The following TLE1 variants were observed in gnomAD, a reference collection of about 807,000 sequenced individuals.
TLE1 encodes the protein TLE family member 1, transcriptional corepressor.
TLE1 carries 21 observed loss-of-function variants against 89.8 expected under a neutral mutation model. That is an observed-to-expected ratio of 0.23 (90% CI 0.17 to 0.34). The LOEUF (loss-of-function observed/expected upper bound fraction) is 0.34. Ranked by LOEUF, TLE1 falls within the 10% of genes least tolerant of loss-of-function variation. The pLI, the probability that TLE1 is intolerant of heterozygous loss-of-function variation, is 1.00. For synonymous variants in TLE1, 447 were observed against 407.6 expected (o/e 1.10, Z -1.16); for missense variants, 795 against 1,031.2 (o/e 0.77, Z 3.14).
rs188945251 is a variant in TLE1 at position 81,659,128 on chromosome 9, C to T, written c.235-5092G>A. On this transcript the variant is annotated intron_variant, in intron 4 of 19. Coordinates refer to ENST00000376499, the MANE Select transcript of TLE1 (RefSeq NM_005077.5). Reference sequence around the variant, plus strand: ...TTCACCATGTTGGCCAGGATGGTCTCGATCTCCTGATCCTCGTGATCCGCC... The same window carrying T: ...TTCACCATGTTGGCCAGGATGGTCTTGATCTCCTGATCCTCGTGATCCGCC... Among the ~76,000 whole-genome samples, 3 of 152,142 alleles carry T rather than the reference C, an allele frequency of 2.0e-5. No individual in the cohort carries two copies. In the East Asian group the frequency reaches 5.8e-4, roughly 30 times the overall value.
At chr9:81,645,361 G>A (rs1386420417) in intron 6 of TLE1, among the ~76,000 whole-genome samples, 5 of 106,666 alleles carry the variant, frequency 4.7e-5, no homozygotes, top group Non-Finnish European at 2.2e-5. Flanking sequence ...GAGAAACTCC[G>A]TCTCCAAAAA....
chr9:81,652,371 T>G, intron 5 of TLE1, 83 bp from the exon 6 acceptor site: 1 of 1,158,774 alleles, frequency 8.6e-7, no homozygotes, highest in South Asian at 1.3e-5. Flanking sequence ...TCAAATGCTG[T>G]GTGCAATGCA....
chr9:81,680,987 C>T (rs1251875023), intron 4 of TLE1, among the ~76,000 whole-genome samples: 1 of 151,242 alleles, frequency 6.6e-6, no homozygotes, highest in Non-Finnish European at 1.5e-5. Context: ...AAAAGAATCA[C>T]ATCTAAGGAA....
intron 4 of TLE1, among the ~76,000 whole-genome samples, chr9:81,666,050 G>A (rs947272392): frequency 6.6e-6 from 1 of 152,122 alleles, no homozygotes; most frequent in Non-Finnish European, 1.5e-5. Flanking sequence ...TTTGACAAAA[G>A]CATCACAGCT....
At position 81,620,432 on chromosome 9, in the gene TLE1, A is replaced by C; in HGVS notation, c.711+9T>G. On this transcript the variant is annotated intron_variant, in intron 9 of 19. Coordinates refer to ENST00000376499, the MANE Select transcript of TLE1 (RefSeq NM_005077.5). The stretch of plus-strand genomic sequence containing the variant: ...AACAAATATTATTTCAAGTCCTTTA[A>C]TTACTTACATAGTGGCTGGAGTCCT... 6.3e-7 allele frequency: 1 copy of C among 1,598,132 alleles called. No individual in the cohort carries two copies. The highest frequency in any genetic ancestry group is 8.6e-7 in the Non-Finnish European group (1 of 1,169,014).
chr9:81,593,356 A>G, intron 14 of TLE1, 82 bp from the exon 15 acceptor site: 1 of 1,430,184 alleles, frequency 7.0e-7, no homozygotes, highest in Non-Finnish European at 9.3e-7. Flanking sequence ...TGCTACGACT[A>G]TGAAAAAGAT....
chr9:81,585,786 C>A, intron 17 of TLE1, 131 bp from the exon 18 acceptor site: 1 of 1,150,908 alleles, frequency 8.7e-7, no homozygotes, highest in East Asian at 2.6e-5. Context: ...GTGGGGAGGT[C>A]CACAGGGCAA....
chr9:81,682,689 C>A (rs1255462436), intron 4 of TLE1, among the ~76,000 whole-genome samples: 7 of 152,180 alleles, frequency 4.6e-5, no homozygotes, highest in Non-Finnish European at 1.0e-4. Flanking sequence ...CTCACATCAA[C>A]TTGCTGTTTT....
chr9:81,608,684 CG>C (rs1335367127), intron 14 of TLE1, among the ~76,000 whole-genome samples: 1 of 152,114 alleles, frequency 6.6e-6, no homozygotes, highest in Non-Finnish European at 1.5e-5. Flanking sequence ...CGCCTGTAAT[CG>C]CAACACTTTG....
intron 16 of TLE1, among the ~76,000 whole-genome samples, chr9:81,589,640 T>C (rs1829190936): frequency 6.6e-6 from 1 of 152,184 alleles, no homozygotes. Context: ...TCTCTGAGCC[T>C]CAGGCACTTC....
intron 4 of TLE1, among the ~76,000 whole-genome samples, chr9:81,671,141 C>T (rs1178077336): frequency 6.6e-6 from 1 of 152,028 alleles, no homozygotes; most frequent in African/African-American, 2.4e-5. Flanking sequence ...GCACTGCAGC[C>T]TGGGCAACAG....
intron 11 of TLE1, among the ~76,000 whole-genome samples, chr9:81,613,834 CA>C (rs1239123419): frequency 6.6e-6 from 1 of 151,808 alleles, no homozygotes; most frequent in Non-Finnish European, 1.5e-5. Context: ...GATGACCACC[CA>C]GAGAATATTT....
At chr9:81,590,209 A>C (rs1165998900) in intron 16 of TLE1, among the ~76,000 whole-genome samples, 1 of 152,226 alleles carries the variant, frequency 6.6e-6, no homozygotes, top group Non-Finnish European at 1.5e-5. Flanking sequence ...GGGGGAGCTG[A>C]GGAGAGACAC....
At chr9:81,615,103 AAAAAAAAAAAAAAAAAAAGAAGAAG>A (rs1824269802) in intron 11 of TLE1, among the ~76,000 whole-genome samples, 1 of 132,446 alleles carries the variant, frequency 7.6e-6, no homozygotes, top group African/African-American at 2.9e-5. Context: ...AAAAAAAAAA[AAAAAAAAAAAAAAAAAAAGAAGAAG>A]AAGAAGAAGG....
chr9:81,660,989 G>GCGTGGTGGCA (rs1335472239), intron 4 of TLE1, among the ~76,000 whole-genome samples: 3 of 125,074 alleles, frequency 2.4e-5, no homozygotes, highest in African/African-American at 8.8e-5. Flanking sequence ...ATTTAGCCTG[G>GCGTGGTGGCA]CGTGGTGGCA....
intron 4 of TLE1, among the ~76,000 whole-genome samples, chr9:81,658,946 G>A (rs139931738): frequency 5.3e-5 from 8 of 151,498 alleles, no homozygotes; most frequent in African/African-American, 1.7e-4. Context: ...GTCTTGCTCT[G>A]TCACCAGGCT....
chr9:81,612,205 T>C, intron 12 of TLE1: 1 of 800,282 alleles, frequency 1.2e-6, no homozygotes, highest in Non-Finnish European at 1.7e-6. Flanking sequence ...TTTGTGTAAA[T>C]GGCAGCACCA....
At chr9:81,610,070 T>C (rs1272189730) in intron 14 of TLE1, 150 bp downstream of exon 14, 1 of 654,218 alleles carries the variant, frequency 1.5e-6, no homozygotes, top group Non-Finnish European at 2.7e-6. Flanking sequence ...AGCTGCCTAT[T>C]TATAGAAAGT....
chr9:81,628,671 G>A (rs1826203845), intron 8 of TLE1, among the ~76,000 whole-genome samples: 1 of 152,116 alleles, frequency 6.6e-6, no homozygotes. Flanking sequence ...ATTATCTCTA[G>A]GCAAGTTCTA....
Sources: allele counts gnomAD v4.1 joint callset (sites outside exome capture counted in the v4.1 genomes callset), GRCh38; gene constraint gnomAD v4.1.1; transcripts MANE v1.5; gene names NCBI Gene and HGNC (gene_info 2026-07-23, HGNC 2026-07-21).